The following GPR161 variants were observed in gnomAD, a reference collection of about 807,000 sequenced individuals.
GPR161 encodes G protein-coupled receptor 161.
Under a neutral mutation model 39.2 loss-of-function variants are expected in GPR161, and 25 were observed. That is an observed-to-expected ratio of 0.64 (90% CI 0.47 to 0.89). The LOEUF (loss-of-function observed/expected upper bound fraction) is 0.89. Ranked by LOEUF, GPR161 falls within the 40% of genes least tolerant of loss-of-function variation. The pLI is 0.00. For synonymous variants in GPR161, 286 were observed against 276.6 expected (o/e 1.03, Z -0.34); for missense variants, 547 against 677.8 (o/e 0.81, Z 2.14).
At chr1:168,099,286 G>C (rs1327025445) in intron 2 of GPR161, among the ~76,000 whole-genome samples, 1 of 152,150 alleles carries the variant, frequency 6.6e-6, no homozygotes, top group East Asian at 1.9e-4. Flanking sequence ...GGTTGCTAGG[G>C]GACTGCAGGG....
intron 2 of GPR161, 149 bp downstream of exon 2, chr1:168,104,328 A>G: frequency 1.6e-6 from 1 of 619,366 alleles, no homozygotes. Context: ...GGTTGAAGAG[A>G]TGGCTCCAGA....
At chr1:168,106,685 G>T (rs995404483) in intron 1 of GPR161, among the ~76,000 whole-genome samples, 3 of 152,244 alleles carry the variant, frequency 2.0e-5, no homozygotes, top group African/African-American at 7.2e-5. Flanking sequence ...TGTGAAGACA[G>T]ATGTCCCTAA....
chr1:168,115,291 C>T (rs1697529162), intron 1 of GPR161, among the ~76,000 whole-genome samples: 1 of 152,184 alleles, frequency 6.6e-6, no homozygotes, highest in South Asian at 2.1e-4. Context: ...TTGCAACTTA[C>T]AGAATCCTAA....
At chr1:168,102,238 A>G (rs993171492) in intron 2 of GPR161, among the ~76,000 whole-genome samples, 9 of 152,188 alleles carry the variant, frequency 5.9e-5, no homozygotes, top group African/African-American at 2.2e-4. Flanking sequence ...GGGCCTCTCC[A>G]CCTGTTACGT....
At chr1:168,112,867 C>T (rs1015688138) in intron 1 of GPR161, among the ~76,000 whole-genome samples, 21 of 152,106 alleles carry the variant, frequency 1.4e-4, no homozygotes, top group Admixed American at 1.2e-3. Flanking sequence ...AGCAAGCACA[C>T]CAGTGACCTG....
chr1:168,137,040 C>T, upstream of GPR161: 1 of 864,248 alleles, frequency 1.2e-6, no homozygotes, highest in Non-Finnish European at 1.4e-6. Context: ...CCGCCCCGCC[C>T]AGCTCCCGGC....
intron 1 of GPR161, among the ~76,000 whole-genome samples, chr1:168,129,903 G>T (rs1698860136): frequency 6.6e-6 from 1 of 152,154 alleles, no homozygotes; most frequent in Admixed American, 6.5e-5. Context: ...CAAAATAAAT[G>T]ACTCTCTTTG....
In GPR161 at chr1:168,122,769, T is replaced by A. The variant is rs570957326; in HGVS notation, c.-45+13970A>T. On this transcript the variant is annotated intron_variant, in intron 1 of 5. Coordinates refer to ENST00000682931, the MANE Select transcript of GPR161 (RefSeq NM_001375883.1). ...AGCAGAGCCTTCCCCAGCCATACTA[T>A]GTAACACTTCATACCCCCTCCAACA... Among the ~76,000 whole-genome samples, 3 of 152,302 alleles carry A rather than the reference T, an allele frequency of 2.0e-5. No individual in the cohort carries two copies. The East Asian group carries it at 5.8e-4, about 29-fold the overall frequency.
chr1:168,100,175 C>A (rs1337193249), intron 2 of GPR161, among the ~76,000 whole-genome samples: 2 of 140,594 alleles, frequency 1.4e-5, no homozygotes, highest in Non-Finnish European at 3.0e-5. Context: ...TCCACTGCTG[C>A]ACTCCAGCCT....
At chr1:168,116,766 C>T (rs766136397) in intron 1 of GPR161, among the ~76,000 whole-genome samples, 20 of 152,214 alleles carry the variant, frequency 1.3e-4, no homozygotes, top group African/African-American at 1.9e-4. Flanking sequence ...ACCCAGCCAA[C>T]GCAGAGTCTG....
intron 1 of GPR161, among the ~76,000 whole-genome samples, chr1:168,119,195 C>CAT (rs3063902): frequency 0.29 from 32,005 of 109,490 alleles, 6,061 homozygotes; most frequent in Admixed American, 0.45. Context: ...AAATCTCCAT[C>CAT]ATATATATAT....
rs559088481 is a variant in GPR161, at chr1:168,096,587, A to C, written c.1020T>G (p.Phe340Leu). The C allele has an allele frequency of 1.2e-6, 2 of 1,614,250 alleles. No homozygotes were observed. Among genetic ancestry groups the C allele is most frequent in the Admixed American group, 3.3e-5 (2 of 60,032 alleles). Residue 340 changes from phenylalanine to leucine, a missense_variant, in exon 3 of 6, where the codon TTT (phenylalanine) becomes TTG (leucine). Transcript: ENST00000682931. ...TVRKELLGMC[F>L]GDRYYREPFV... is the part of the protein sequence containing the mutation. Reference sequence around the variant, plus strand: ...ATGGTTCCCGATAATACCGGTCCCCAAAGCACATGCCCAGTAGTTCTTTGC... The same window carrying C: ...ATGGTTCCCGATAATACCGGTCCCCCAAGCACATGCCCAGTAGTTCTTTGC...
At chr1:168,090,073 GTC>G (rs1479826530) in intron 4 of GPR161, among the ~76,000 whole-genome samples, 1 of 152,194 alleles carries the variant, frequency 6.6e-6, no homozygotes, top group Non-Finnish European at 1.5e-5. Context: ...CATTCATTAA[GTC>G]TCTCAATTCT....
intron 1 of GPR161, among the ~76,000 whole-genome samples, chr1:168,132,985 T>C (rs1699115389): frequency 6.6e-6 from 1 of 152,184 alleles, no homozygotes; most frequent in Admixed American, 6.5e-5. Context: ...CCTCAGATGA[T>C]CTGCCTGCCT....
chr1:168,126,118 A>T (rs1698569139), intron 1 of GPR161, among the ~76,000 whole-genome samples: 1 of 152,200 alleles, frequency 6.6e-6, no homozygotes, highest in Non-Finnish European at 1.5e-5. Context: ...ATAGAATTCA[A>T]ATTCCTTGTT....
chr1:168,136,162 C>T (rs1309851898), intron 1 of GPR161: 1 of 1,268,302 alleles, frequency 7.9e-7, no homozygotes, highest in African/African-American at 1.5e-5. Context: ...GCCGCCCATC[C>T]GGCGGCGCCG....
intron 1 of GPR161, chr1:168,136,009 C>T (rs2102278400): frequency 8.2e-7 from 1 of 1,224,712 alleles, no homozygotes; most frequent in Non-Finnish European, 1.0e-6. Flanking sequence ...ACCCCACTTA[C>T]CCAACAGACG....
chr1:168,103,443 G>C (rs1193046914), intron 2 of GPR161, among the ~76,000 whole-genome samples: 1 of 144,266 alleles, frequency 6.9e-6, no homozygotes. Flanking sequence ...AAAAAAAAAA[G>C]AGAAGCTAAT....
intron 1 of GPR161, among the ~76,000 whole-genome samples, chr1:168,129,705 G>A (rs1698845543): frequency 6.6e-6 from 1 of 152,194 alleles, no homozygotes; most frequent in Non-Finnish European, 1.5e-5. Context: ...TTTTACAGAT[G>A]ACAAAATGAA....
Sources: allele counts gnomAD v4.1 joint callset (sites outside exome capture counted in the v4.1 genomes callset), GRCh38; gene constraint gnomAD v4.1.1; transcripts MANE v1.5; gene names NCBI Gene and HGNC (gene_info 2026-07-23, HGNC 2026-07-21).